ARHGAP36: variants seen among roughly 807,000 people sequenced by gnomAD.
ARHGAP36 encodes Rho GTPase activating protein 36, also known as rho GTPase-activating protein 36.
A neutral mutation model predicts 32.9 loss-of-function variants in ARHGAP36; 7 were observed. That is an observed-to-expected ratio of 0.21 (90% CI 0.12 to 0.40). The LOEUF is 0.40. Ranked by LOEUF, ARHGAP36 falls within the 10% of genes least tolerant of loss-of-function variation. The pLI, the probability that ARHGAP36 is intolerant of heterozygous loss-of-function variation, is 1.00. For missense variants in ARHGAP36, 383 were observed against 442.2 expected, an observed-to-expected ratio of 0.87 and a Z score of 1.20; for synonymous variants, 165 against 168.3, an observed-to-expected ratio of 0.98 and a Z score of 0.15.
intron 1 of ARHGAP36, among the ~76,000 whole-genome samples, chrX:131,070,734 G>T (rs1000576175): frequency 3.6e-5 from 4 of 110,294 alleles, no homozygotes; most frequent in African/African-American, 1.3e-4. Flanking sequence ...GTGATATTTT[G>T]TTATCTACCT....
In ARHGAP36 at chrX:131,085,584, C is replaced by G. The variant is rs766007387; in HGVS notation, c.956-4C>G. 24 of 1,209,444 alleles carry G rather than the reference C, an allele frequency of 2.0e-5. No homozygotes were observed. The highest frequency in any genetic ancestry group is 2.6e-5 in the Non-Finnish European group (23 of 894,745). ...TGAGACAGCCCCTGTTTTCCTTCTT[C>G]TAGCTTTAAAGCCCCAGGATCAGCT... On this transcript the variant is annotated splice_polypyrimidine_tract_variant and splice_region_variant and intron_variant, in intron 7 of 11. Coordinates refer to ENST00000276211, the MANE Select transcript of ARHGAP36 (RefSeq NM_144967.4).
At chrX:131,085,358 C>CA (rs372296735) in intron 7 of ARHGAP36, among the ~76,000 whole-genome samples, 19,594 of 87,745 alleles carry the variant, frequency 0.22, 2,353 homozygotes, top group African/African-American at 0.42. Flanking sequence ...CCTCTCAGGT[C>CA]AAAAAAAAAA....
chrX:131,076,247 T>C (rs775088405), intron 1 of ARHGAP36, among the ~76,000 whole-genome samples: 1 of 112,322 alleles, frequency 8.9e-6, no homozygotes, highest in South Asian at 3.7e-4. Flanking sequence ...TTTTAACTTC[T>C]TCCACCACAA....
intron 1 of ARHGAP36, among the ~76,000 whole-genome samples, chrX:131,081,222 A>G (rs1277810014): frequency 9.2e-6 from 1 of 109,016 alleles, no homozygotes; most frequent in Non-Finnish European, 1.9e-5. Context: ...ACTTGTCTGA[A>G]TTTGCAGCTC....
chrX:131,061,225 T>A (rs975386627), intron 1 of ARHGAP36, among the ~76,000 whole-genome samples: 14 of 111,495 alleles, frequency 1.3e-4, no homozygotes, highest in African/African-American at 3.9e-4. Context: ...AACTCTTTTT[T>A]AAAAAAATTT....
intron 7 of ARHGAP36, 34 bp downstream of exon 7, chrX:131,085,098 A>C (rs1331689397): frequency 8.4e-6 from 10 of 1,191,199 alleles, no homozygotes; most frequent in Non-Finnish European, 1.1e-5. Flanking sequence ...AGGGCAAGGA[A>C]AGGAAATATT....
At chrX:131,074,930 C>A (rs2079753394) in intron 1 of ARHGAP36, among the ~76,000 whole-genome samples, 1 of 112,549 alleles carries the variant, frequency 8.9e-6, no homozygotes, top group African/African-American at 3.2e-5. Flanking sequence ...CAGTTAGCTG[C>A]CTTGCATCTC....
At chrX:131,070,021 A>G (rs2079724888) in intron 1 of ARHGAP36, among the ~76,000 whole-genome samples, 1 of 112,339 alleles carries the variant, frequency 8.9e-6, no homozygotes, top group Non-Finnish European at 1.9e-5. Context: ...TTGAGACTCG[A>G]GGGTACATGA....
intron 8 of ARHGAP36, 36 bp from the exon 9 acceptor site, chrX:131,085,877 C>A: frequency 8.3e-7 from 1 of 1,201,666 alleles, no homozygotes; most frequent in East Asian, 3.0e-5. Flanking sequence ...CCAGTACTAC[C>A]TCAGCGTCAA....
chrX:131,084,835 A>G, intron 6 of ARHGAP36, 79 bp from the exon 7 acceptor site: 1 of 1,184,246 alleles, frequency 8.4e-7, no homozygotes, highest in Non-Finnish European at 1.1e-6. Context: ...TCCACTGAAT[A>G]CTGGAACCTG....
chrX:131,078,844 A>C, intron 1 of ARHGAP36: 3 of 699,150 alleles, frequency 4.3e-6, no homozygotes, highest in Non-Finnish European at 6.0e-6. Flanking sequence ...GGCAATGACA[A>C]ACGGTTTATT....
chrX:131,063,241 T>C (rs1439087355), intron 1 of ARHGAP36, among the ~76,000 whole-genome samples: 2 of 111,588 alleles, frequency 1.8e-5, no homozygotes, highest in Non-Finnish European at 3.8e-5. Flanking sequence ...TACTGTCACG[T>C]CTCAGATACA....
intron 1 of ARHGAP36, among the ~76,000 whole-genome samples, chrX:131,059,364 C>G (rs1380662689): frequency 1.2e-4 from 13 of 108,659 alleles, no homozygotes; most frequent in Non-Finnish European, 2.5e-4. Flanking sequence ...CACCTGCCCC[C>G]ACAGCCACCT....
chrX:131,084,232 T>C lies in ARHGAP36; in HGVS notation c.573T>C (p.Asp191=). The change falls in exon 5 of 12, where the codon GAT becomes GAC. Residue 191 remains aspartate (D), a synonymous_variant. Coordinates refer to ENST00000276211, the MANE Select transcript of ARHGAP36 (RefSeq NM_144967.4). ...RRGRRGAVSV[D]SLAELEDGAL... is the part of the protein sequence containing the mutation. ...CTCCACAGGGTGCAGTGTCTGTGGA[T>C]AGTCTGGCTGAGCTGGAAGACGGAG... The C allele has an allele frequency of 8.3e-7, 1 of 1,206,172 alleles. No individual in the cohort carries two copies. The highest frequency in any genetic ancestry group is 1.1e-6 in the Non-Finnish European group (1 of 893,608).
At chrX:131,086,302 G>A in intron 9 of ARHGAP36, 27 bp from the exon 10 acceptor site, 1 of 1,195,092 alleles carries the variant, frequency 8.4e-7, no homozygotes, top group African/African-American at 1.7e-5. Context: ...GTGTAATGAT[G>A]GCTAATGTTG....
chrX:131,069,285 A>G (rs2079720036), intron 1 of ARHGAP36, among the ~76,000 whole-genome samples: 1 of 111,864 alleles, frequency 8.9e-6, no homozygotes, highest in Non-Finnish European at 1.9e-5. Context: ...AGCAAGGGAA[A>G]GGGAGATGGA....
intron 1 of ARHGAP36, among the ~76,000 whole-genome samples, chrX:131,065,028 AGTGTGTGTGTGTTTGTGTGTGT>A (rs1376579617): frequency 2.2e-4 from 13 of 59,091 alleles, no homozygotes; most frequent in African/African-American, 8.6e-4. Flanking sequence ...GCTCCAAGGA[AGTGTGTGTGTGTTTGTGTGTGT>A]GTGTGTGTGT....
chrX:131,070,707 G>A (rs1371087980), intron 1 of ARHGAP36, among the ~76,000 whole-genome samples: 1 of 110,849 alleles, frequency 9.0e-6, no homozygotes, highest in Non-Finnish European at 1.9e-5. Flanking sequence ...TTTTGCAGTT[G>A]AGAAAACTGA....
chrX:131,071,468 A>T (rs1452693293), intron 1 of ARHGAP36, among the ~76,000 whole-genome samples: 2 of 111,400 alleles, frequency 1.8e-5, no homozygotes, highest in Non-Finnish European at 3.8e-5. Context: ...GGGCCTCATC[A>T]TGGTAGCAAT....
Sources: gnomAD v4.1 joint callset for allele counts (sites outside exome capture counted in the v4.1 genomes callset) on GRCh38, gnomAD v4.1.1 for gene constraint, MANE v1.5 for transcripts, NCBI Gene and HGNC (gene_info 2026-07-23, HGNC 2026-07-21) for gene names.